The following FRMD3 variants were observed in gnomAD, a reference collection of about 807,000 sequenced individuals.
The protein encoded by FRMD3 is FERM domain containing 3.
In FRMD3, 33 loss-of-function variants were observed where a neutral mutation model predicts 70.2. The ratio of observed to expected loss-of-function variants is 0.47; its 90% CI spans 0.36 to 0.63. FRMD3 has a LOEUF of 0.63. Among genes scored for constraint, FRMD3 ranks in the 20% least tolerant of loss-of-function variants. The probability of loss-of-function intolerance (pLI) is 0.00; values close to 1 mark genes in which losing one functional copy is unlikely to be tolerated. For missense variants in FRMD3, 632 were observed against 711.4 expected (o/e 0.89, Z 1.27); for synonymous variants, 279 against 255.9 (o/e 1.09, Z -0.86).
At chr9:83,413,012 A>G (rs1826324808) in intron 1 of FRMD3, among the ~76,000 whole-genome samples, 1 of 152,130 alleles carries the variant, frequency 6.6e-6, no homozygotes, top group Non-Finnish European at 1.5e-5. Context: ...AAAAAAGGAG[A>G]GAAAGAAAGA....
intron 6 of FRMD3, among the ~76,000 whole-genome samples, chr9:83,332,593 C>T (rs895662317): frequency 6.6e-6 from 1 of 152,134 alleles, no homozygotes; most frequent in African/African-American, 2.4e-5. Context: ...AATAAAAAGG[C>T]TGGGAGAAGG....
intron 1 of FRMD3, among the ~76,000 whole-genome samples, chr9:83,475,158 C>T (rs1246468870): frequency 2.6e-5 from 4 of 152,024 alleles, no homozygotes; most frequent in Admixed American, 1.3e-4. Context: ...GAAAAAAAAG[C>T]AGACAACAGA....
intron 13 of FRMD3, among the ~76,000 whole-genome samples, chr9:83,282,069 A>T (rs1214422395): frequency 6.6e-6 from 1 of 152,256 alleles, no homozygotes; most frequent in Non-Finnish European, 1.5e-5. Context: ...GTTCAATGCC[A>T]TCTAAGATAG....
At chr9:83,288,155 C>T (rs1834289433) in intron 13 of FRMD3, among the ~76,000 whole-genome samples, 1 of 152,184 alleles carries the variant, frequency 6.6e-6, no homozygotes, top group Non-Finnish European at 1.5e-5. Context: ...AAAACATCTT[C>T]TTTGTTTAGA....
chr9:83,329,780 C>T (rs1836179346), intron 6 of FRMD3, among the ~76,000 whole-genome samples: 2 of 152,086 alleles, frequency 1.3e-5, no homozygotes, highest in South Asian at 4.1e-4. Flanking sequence ...GCCAATTGAG[C>T]CTTTTGAATA....
rs571161980 is a variant in FRMD3, at chr9:83,357,489, T to C, written c.296-7732A>G. On this transcript the variant is annotated intron_variant, in intron 3 of 13. Coordinates refer to ENST00000304195, the MANE Select transcript of FRMD3 (RefSeq NM_174938.6). ...AATGGTAGATCTACTTTTAGTACTT[T>C]AAGGAATCTCCACACTGTTTTCCAT... Among the ~76,000 whole-genome samples the C allele has an allele frequency of 5.5e-4, 84 of 151,742 alleles. 1 individual carries two copies. The highest frequency in any genetic ancestry group is 1.9e-3 in the African/African-American group (80 of 41,404).
Position 83,248,049 on chromosome 9 carries a change from C to G in FRMD3, c.1663G>C (p.Asp555His), listed in dbSNP as rs930047489. ...CGGATTTCGCATAAGAAGGAGAGAT[C>G]AATACCTGACTCCAAAAGGAGGAGG... is the stretch of plus-strand genomic sequence containing the variant. ...LLLLLLESGIDLSFLCEIRQT... is the reference protein window; with the variant it reads ...LLLLLLESGIHLSFLCEIRQT... Residue 555 changes from aspartate (D) to histidine (H), a missense_variant, in exon 14 of 14, where the codon GAT (aspartate) becomes CAT (histidine). Asp to His is a moderately conservative substitution (Grantham distance 81). This residue lies in a region of FRMD3 where 418 missense variants were observed against 442.1 expected (regional missense o/e 0.95). Coordinates refer to ENST00000304195, the MANE Select transcript of FRMD3 (RefSeq NM_174938.6). The G allele has an allele frequency of 6.2e-7, 1 of 1,614,154 alleles. No individual in the cohort carries two copies. Among genetic ancestry groups the G allele is most frequent in the Non-Finnish European group, 8.5e-7 (1 of 1,180,036 alleles).
At chr9:83,482,849 T>C (rs532485327) in intron 1 of FRMD3, among the ~76,000 whole-genome samples, 38 of 151,640 alleles carry the variant, frequency 2.5e-4, no homozygotes, top group African/African-American at 8.7e-4. Context: ...AGCCAAAGAA[T>C]CCGGGCATGA....
the FRMD3 span, among the ~76,000 whole-genome samples, chr9:83,568,281 G>A: frequency 6.2e-4 from 94 of 152,262 alleles, no homozygotes; most frequent in African/African-American, 2.1e-3. Context: ...CCCACAACAC[G>A]TGGGAATTCT....
the FRMD3 span, among the ~76,000 whole-genome samples, chr9:83,553,004 T>A: frequency 2.6e-5 from 4 of 152,192 alleles, no homozygotes; most frequent in Admixed American, 1.3e-4. Flanking sequence ...CATTGACATG[T>A]GTGCATTTGA....
intron 12 of FRMD3, among the ~76,000 whole-genome samples, chr9:83,297,242 G>A (rs1189298458): frequency 6.6e-6 from 1 of 152,140 alleles, no homozygotes; most frequent in African/African-American, 2.4e-5. Context: ...AGGTATTTAA[G>A]ATCAAATATT....
chr9:83,243,166 G>T, downstream of FRMD3: 1 of 1,548,786 alleles, frequency 6.5e-7, no homozygotes, highest in Non-Finnish European at 8.7e-7. Flanking sequence ...CCAAGTCTTG[G>T]CTGAGCTCAC....
At chr9:83,298,369 G>A (rs189266919) in intron 12 of FRMD3, among the ~76,000 whole-genome samples, 14 of 152,292 alleles carry the variant, frequency 9.2e-5, no homozygotes, top group Non-Finnish European at 1.5e-4. Flanking sequence ...AGGTCAGCCC[G>A]GAGTCAGGCC....
intron 13 of FRMD3, among the ~76,000 whole-genome samples, chr9:83,282,055 C>G (rs1260824250): frequency 6.6e-6 from 1 of 152,202 alleles, no homozygotes; most frequent in Non-Finnish European, 1.5e-5. Flanking sequence ...GTCATTTTAG[C>G]TGTGTTCAAT....
intron 1 of FRMD3, among the ~76,000 whole-genome samples, chr9:83,531,757 C>T (rs926528065): frequency 1.3e-5 from 2 of 152,176 alleles, no homozygotes; most frequent in African/African-American, 4.8e-5. Context: ...AGAAGCTAAC[C>T]TTTTCTTCAA....
chr9:83,423,408 G>A (rs1826700222), intron 1 of FRMD3, among the ~76,000 whole-genome samples: 2 of 152,024 alleles, frequency 1.3e-5, no homozygotes, highest in South Asian at 4.1e-4. Flanking sequence ...GCCATGCAAG[G>A]AGGACTGATT....
At chr9:83,305,234 T>C (rs538214190) in intron 10 of FRMD3, among the ~76,000 whole-genome samples, 38 of 152,138 alleles carry the variant, frequency 2.5e-4, no homozygotes, top group African/African-American at 8.7e-4. Context: ...GGCATACCCC[T>C]GAGGTTACCA....
At chr9:83,445,733 A>G (rs1827442111) in intron 1 of FRMD3, among the ~76,000 whole-genome samples, 1 of 152,208 alleles carries the variant, frequency 6.6e-6, no homozygotes, top group Admixed American at 6.5e-5. Context: ...ATGTTTGAGG[A>G]TTAGGAATGT....
chr9:83,420,489 T>A (rs2131357546), intron 1 of FRMD3, among the ~76,000 whole-genome samples: 1 of 152,162 alleles, frequency 6.6e-6, no homozygotes, highest in Admixed American at 6.5e-5. Context: ...CCCACCCCTC[T>A]CCTAATGGCA....
Sources: allele counts gnomAD v4.1 joint callset (sites outside exome capture counted in the v4.1 genomes callset), GRCh38; gene constraint gnomAD v4.1.1; regional missense constraint gnomAD v4.1.1; transcripts MANE v1.5; gene names NCBI Gene and HGNC (gene_info 2026-07-23, HGNC 2026-07-21).